Variants in GRID1 observed in about 807,000 individuals in gnomAD.
GRID1 encodes the protein glutamate ionotropic receptor delta type subunit 1, also known as glutamate receptor ionotropic, delta-1.
A neutral mutation model predicts 98.0 loss-of-function variants in GRID1; 28 were observed. The observed-to-expected ratio is 0.29, with a 90% confidence interval of 0.21 to 0.39. The LOEUF is 0.39. GRID1 is among the 10% of genes least tolerant of loss of function. The pLI is 1.00. For missense variants in GRID1, 1,111 were observed against 1,340.5 expected (o/e 0.83, Z 2.67); for synonymous variants, 553 against 538.5 (o/e 1.03, Z -0.37).
intron 2 of GRID1, among the ~76,000 whole-genome samples, chr10:86,302,493 C>T (rs959475811): frequency 6.6e-6 from 1 of 152,194 alleles, no homozygotes; most frequent in South Asian, 2.1e-4. Context: ...CTCACATGGC[C>T]AAGGATGCTC....
chr10:86,120,396 G>A (rs1044157243), intron 4 of GRID1, among the ~76,000 whole-genome samples: 17 of 152,164 alleles, frequency 1.1e-4, no homozygotes, highest in African/African-American at 3.6e-4. Flanking sequence ...TTCAGAGGAC[G>A]CCCTCACAAT....
chr10:86,245,340 A>G (rs188999825), intron 2 of GRID1, among the ~76,000 whole-genome samples: 105 of 152,324 alleles, frequency 6.9e-4, no homozygotes, highest in African/African-American at 2.0e-3. Flanking sequence ...ATGTCCCAGC[A>G]CCTACCCCTC....
At position 85,854,520 on chromosome 10, in the gene GRID1, C is replaced by A; in HGVS notation, c.1209G>T (p.Glu403Asp). The A allele has an allele frequency of 6.2e-7, 1 of 1,613,900 alleles. No homozygotes were observed. Among genetic ancestry groups the A allele is most frequent in the Non-Finnish European group, 8.5e-7 (1 of 1,179,768 alleles). Residue 403 changes from glutamate (E) to aspartate (D), a missense_variant, in exon 8 of 16, where the codon GAG (glutamate) becomes GAT (aspartate). Glu to Asp is a conservative substitution (Grantham distance 45). Coordinates refer to ENST00000327946, the MANE Select transcript of GRID1 (RefSeq NM_017551.3). ...CCTTGCGCATGTCTTTGCCAAAAGT[C>A]TCACTATAGGTAGTGCCAAGGATTT... ...QFEILGTTYS[E>D]TFGKDMRKLA...
At chr10:86,180,358 G>A (rs867629) in intron 3 of GRID1, among the ~76,000 whole-genome samples, 18,724 of 152,040 alleles carry the variant, frequency 0.12, 1,422 homozygotes, top group African/African-American at 0.21. Context: ...GCCATGCTTG[G>A]GCAGGTGTGA....
chr10:86,096,417 T>G (rs1844222571), intron 4 of GRID1, among the ~76,000 whole-genome samples: 1 of 152,206 alleles, frequency 6.6e-6, no homozygotes, highest in African/African-American at 2.4e-5. Context: ...TTCCATAGTT[T>G]TATCTCCATT....
chr10:85,907,771 T>C (rs1841482998), intron 5 of GRID1, among the ~76,000 whole-genome samples: 1 of 152,024 alleles, frequency 6.6e-6, no homozygotes. Flanking sequence ...AAAATTCTAA[T>C]CAAAAATTTA....
chr10:85,946,503 C>CT (rs1418495679), intron 4 of GRID1, among the ~76,000 whole-genome samples: 1 of 152,214 alleles, frequency 6.6e-6, no homozygotes, highest in Non-Finnish European at 1.5e-5. Context: ...GTGTAACCCA[C>CT]TTTGGAAATC....
At chr10:86,023,913 A>G (rs1843082401) in intron 4 of GRID1, among the ~76,000 whole-genome samples, 1 of 152,168 alleles carries the variant, frequency 6.6e-6, no homozygotes, top group Non-Finnish European at 1.5e-5. Context: ...ATAAACAGAT[A>G]AGTATACAAA....
intron 5 of GRID1, among the ~76,000 whole-genome samples, chr10:85,910,202 A>G (rs1359128432): frequency 6.6e-6 from 1 of 152,242 alleles, no homozygotes; most frequent in Non-Finnish European, 1.5e-5. Context: ...TAGGGACTGA[A>G]CAGTCCAACA....
chr10:85,684,792 A>T (rs1841249996), intron 12 of GRID1, among the ~76,000 whole-genome samples: 1 of 152,202 alleles, frequency 6.6e-6, no homozygotes, highest in African/African-American at 2.4e-5. Context: ...GAAGTCCAAG[A>T]TCAGGGTGCT....
intron 8 of GRID1, among the ~76,000 whole-genome samples, chr10:85,769,735 C>A (rs963447890): frequency 2.6e-5 from 4 of 152,224 alleles, no homozygotes; most frequent in Non-Finnish European, 4.4e-5. Context: ...ACAAAGCAGT[C>A]TGAGATCAAA....
At chr10:85,610,274 T>A (rs1370344255) in intron 15 of GRID1, among the ~76,000 whole-genome samples, 2 of 152,216 alleles carry the variant, frequency 1.3e-5, no homozygotes, top group Non-Finnish European at 2.9e-5. Flanking sequence ...AGACTGTCGT[T>A]TTGAGCCGTT....
chr10:86,071,468 G>A (rs900509338), intron 4 of GRID1, among the ~76,000 whole-genome samples: 8 of 152,224 alleles, frequency 5.3e-5, no homozygotes, highest in Admixed American at 1.3e-4. Flanking sequence ...CAGGTGCAAC[G>A]TGATATAGCG....
chr10:86,066,597 T>C (rs532989373), intron 4 of GRID1, among the ~76,000 whole-genome samples: 4 of 152,186 alleles, frequency 2.6e-5, no homozygotes, highest in Admixed American at 1.3e-4. Flanking sequence ...TTCCTTAACC[T>C]CTGAGTCTCT....
At chr10:85,671,823 C>A (rs1014365291) in intron 12 of GRID1, among the ~76,000 whole-genome samples, 1 of 152,150 alleles carries the variant, frequency 6.6e-6, no homozygotes, top group African/African-American at 2.4e-5. Flanking sequence ...TATAAGAAAG[C>A]AAAAGAGCCT....
intron 13 of GRID1, among the ~76,000 whole-genome samples, chr10:85,639,419 G>C (rs1303257087): frequency 6.6e-6 from 1 of 151,788 alleles, no homozygotes; most frequent in Non-Finnish European, 1.5e-5. Flanking sequence ...CTGCAGATGA[G>C]GAGAAGTGTA....
chr10:86,013,559 T>C (rs1166015601), intron 4 of GRID1, among the ~76,000 whole-genome samples: 1 of 152,194 alleles, frequency 6.6e-6, no homozygotes, highest in Non-Finnish European at 1.5e-5. Flanking sequence ...TGTCAGTATG[T>C]TTTTCCCTTT....
intron 12 of GRID1, among the ~76,000 whole-genome samples, chr10:85,661,990 G>A (rs2132571077): frequency 6.6e-6 from 1 of 152,272 alleles, no homozygotes; most frequent in Admixed American, 6.5e-5. Context: ...CCAAAAACAA[G>A]GTTCTCCCTG....
intron 8 of GRID1, among the ~76,000 whole-genome samples, chr10:85,744,221 C>G (rs73328672): frequency 0.025 from 3,823 of 152,264 alleles, 152 homozygotes; most frequent in African/African-American, 0.087. Context: ...ATGTACCTCA[C>G]AGACCTTCTC....
Sources: allele counts gnomAD v4.1 joint callset (sites outside exome capture counted in the v4.1 genomes callset), GRCh38; gene constraint gnomAD v4.1.1; transcripts MANE v1.5; gene names NCBI Gene and HGNC (gene_info 2026-07-23, HGNC 2026-07-21).